The following SOBP variants were observed in gnomAD, a reference collection of about 807,000 sequenced individuals.
SOBP encodes sine oculis-binding protein homolog.
Under a neutral mutation model 53.6 loss-of-function variants are expected in SOBP, and 4 were observed. That is an observed-to-expected ratio of 0.07 (90% CI 0.04 to 0.17). The LOEUF is 0.17. SOBP is among the 10% of genes least tolerant of loss of function. The pLI, the probability that SOBP is intolerant of heterozygous loss-of-function variation, is 1.00. For missense variants in SOBP, 1,088 were observed against 1,204.7 expected, an observed-to-expected ratio of 0.90 and a Z score of 1.43; for synonymous variants, 584 against 522.6, an observed-to-expected ratio of 1.12 and a Z score of -1.60.
chr6:107,565,762 G>A (rs1000975665), intron 4 of SOBP, among the ~76,000 whole-genome samples: 115 of 152,334 alleles, frequency 7.5e-4, no homozygotes, highest in African/African-American at 2.5e-3. Context: ...AGTCATCTGA[G>A]TATCCAGATT....
intron 1 of SOBP, among the ~76,000 whole-genome samples, chr6:107,497,014 C>G (rs1178952591): frequency 6.6e-6 from 1 of 152,222 alleles, no homozygotes; most frequent in Non-Finnish European, 1.5e-5. Flanking sequence ...TAACCAGATT[C>G]AATTCCTGCT....
At chr6:107,502,624 A>G (rs1338806642) in intron 1 of SOBP, among the ~76,000 whole-genome samples, 1 of 152,160 alleles carries the variant, frequency 6.6e-6, no homozygotes, top group Admixed American at 6.6e-5. Flanking sequence ...ATTATCCCAA[A>G]TGGGCTGGCT....
chr6:107,540,390 A>G (rs917103637), intron 4 of SOBP, among the ~76,000 whole-genome samples: 1 of 152,262 alleles, frequency 6.6e-6, no homozygotes, highest in Admixed American at 6.5e-5. Flanking sequence ...TTAGAATGGA[A>G]TAAAGAAAAT....
At chr6:107,602,507 A>G (rs1255763129) in intron 5 of SOBP, among the ~76,000 whole-genome samples, 2 of 150,578 alleles carry the variant, frequency 1.3e-5, no homozygotes, top group Non-Finnish European at 2.9e-5. Flanking sequence ...AAATCAAACC[A>G]AAGTCTGGAA....
At chr6:107,496,336 T>TTAA (rs1269671171) in intron 1 of SOBP, among the ~76,000 whole-genome samples, 3 of 152,210 alleles carry the variant, frequency 2.0e-5, no homozygotes, top group Non-Finnish European at 4.4e-5. Context: ...TTGTTTGACC[T>TTAA]TTTTAGGACA....
rs529074340 is a variant in SOBP at position 107,568,947 on chromosome 6, AAAAG to A, written c.574-18123_574-18120del. On this transcript the variant is annotated intron_variant, in intron 4 of 6. Transcript: ENST00000317357. ...TTATTAACGTATATAAGGCTAATAA[AAAAG>A]AAAGAAAGATCCGTGATTGGAAGTG... 1.5e-4 allele frequency among the ~76,000 whole-genome samples: 23 copies of A among 152,350 alleles called. No individual in the cohort carries two copies. In the South Asian group the frequency reaches 3.5e-3, roughly 23 times the overall value.
chr6:107,629,847 C>A (rs1770627678), intron 5 of SOBP, among the ~76,000 whole-genome samples: 1 of 152,234 alleles, frequency 6.6e-6, no homozygotes, highest in Non-Finnish European at 1.5e-5. Context: ...GAGTTGGACC[C>A]ATCCCAGGAA....
chr6:107,574,302 T>C (rs1785161878), intron 4 of SOBP, among the ~76,000 whole-genome samples: 1 of 152,192 alleles, frequency 6.6e-6, no homozygotes, highest in South Asian at 2.1e-4. Flanking sequence ...GAAATGATCA[T>C]TCTTATTCCC....
intron 5 of SOBP, among the ~76,000 whole-genome samples, chr6:107,603,781 C>T (rs1786269451): frequency 6.6e-6 from 1 of 152,118 alleles, no homozygotes; most frequent in South Asian, 2.1e-4. Context: ...TCAGAGGGTG[C>T]CTGTGGCTCT....
intron 6 of SOBP, among the ~76,000 whole-genome samples, chr6:107,656,317 AAGAAAGAAAGAAAGAAAGAAAGAAAG>A (rs1411230904): frequency 8.1e-4 from 32 of 39,520 alleles, no homozygotes; most frequent in Non-Finnish European, 1.3e-3. Flanking sequence ...GAAAGAAAGA[AAGAAAGAAAGAAAGAAAGAAAGAAAG>A]AGAAAGAAAG....
chr6:107,639,722 G>A (rs1771224771), intron 6 of SOBP, among the ~76,000 whole-genome samples: 1 of 152,154 alleles, frequency 6.6e-6, no homozygotes, highest in Non-Finnish European at 1.5e-5. Context: ...GTTTACACTT[G>A]TTTATGGTAC....
At chr6:107,547,202 G>A in intron 4 of SOBP, among the ~76,000 whole-genome samples, 1 of 152,108 alleles carries the variant, frequency 6.6e-6, no homozygotes, top group East Asian at 1.9e-4. Flanking sequence ...CATTCACTCA[G>A]CCATCAGCGA....
rs1193241960 is a variant in SOBP at position 107,635,338 on chromosome 6, C to T, written c.2494C>T (p.Pro832Ser). The change falls in exon 6 of 7, where the codon CCA becomes TCA. Residue 832 changes from proline to serine, a missense_variant. Physicochemically the swap from Pro to Ser is moderately conservative, Grantham distance 74. This residue lies in a region of SOBP where 665 missense variants were observed against 629.7 expected (regional missense o/e 1.06). Coordinates refer to ENST00000317357, the MANE Select transcript of SOBP (RefSeq NM_018013.4). This position sits in a 1 kb window ranked among gnomAD's most constrained non-coding sequence, Gnocchi z 4.5. ...GACCGGCTGCGTGATCCAGCCTGTG[C>T]CAAAACCCGCGGAGAAGGCTGCCAT... ...PKTGCVIQPV[P>S]KPAEKAAMAP... is the part of the protein sequence containing the mutation. The T allele has an allele frequency of 3.7e-6, 6 of 1,613,648 alleles. No individual in the cohort carries two copies. In the Admixed American group the frequency reaches 8.3e-5, roughly 22 times the overall value.
At chr6:107,545,796 A>T (rs974347819) in intron 4 of SOBP, among the ~76,000 whole-genome samples, 5 of 152,124 alleles carry the variant, frequency 3.3e-5, no homozygotes, top group Non-Finnish European at 7.4e-5. Context: ...CCTGAAAGCC[A>T]CACATAATGA....
In SOBP at chr6:107,635,372, G is replaced by A; in HGVS notation, c.2528G>A (p.Cys843Tyr). The change falls in exon 6 of 7, where the codon TGC (cysteine) becomes TAC (tyrosine). Residue 843 changes from cysteine (C) to tyrosine (Y), a missense_variant. Around this residue, in one of 6 missense-constraint regions of SOBP, gnomAD observed 665 missense variants for 629.7 expected, o/e 1.06. Transcript: ENST00000317357. This position sits in a 1 kb window ranked among gnomAD's most constrained non-coding sequence, Gnocchi z 4.5. ...GCGGAGAAGGCTGCCATGGCACCGT[G>A]CATCATCTCCTCGCCCATGCTCAGC... The part of the protein sequence containing the change: ...KPAEKAAMAP[C>Y]IISSPMLSAG... The A allele has an allele frequency of 3.1e-6, 5 of 1,613,568 alleles. No homozygotes were observed. The highest frequency in any genetic ancestry group is 4.2e-6 in the Non-Finnish European group (5 of 1,180,042).
Position 107,660,348 on chromosome 6 carries a change from G to A in SOBP, c.*2145G>A, listed in dbSNP as rs1354547819. The stretch of plus-strand genomic sequence containing the variant: ...AGACCACGCTTGTCTGCAGACAAGA[G>A]CCCACTCCGTCCGTTCCAGGGCCTG... On this transcript the variant is annotated 3_prime_UTR_variant, in exon 7 of 7. Coordinates refer to ENST00000317357, the MANE Select transcript of SOBP (RefSeq NM_018013.4). 6.6e-6 allele frequency among the ~76,000 whole-genome samples: 1 copy of A among 152,170 alleles called. No individual in the cohort carries two copies. The highest frequency in any genetic ancestry group is 2.4e-5 in the African/African-American group (1 of 41,428).
At chr6:107,602,528 T>A (rs890449497) in intron 5 of SOBP, among the ~76,000 whole-genome samples, 1 of 129,942 alleles carries the variant, frequency 7.7e-6, no homozygotes, top group African/African-American at 3.0e-5. Context: ...CTGATCCCCA[T>A]GCAGGAGCGC....
intron 3 of SOBP, among the ~76,000 whole-genome samples, chr6:107,525,263 T>C (rs535271753): frequency 6.6e-6 from 1 of 152,256 alleles, no homozygotes; most frequent in African/African-American, 2.4e-5. Context: ...CAAAGAAACT[T>C]ACAAGAAGAA....
chr6:107,580,060 C>A (rs1449077063), intron 4 of SOBP, among the ~76,000 whole-genome samples: 2 of 152,306 alleles, frequency 1.3e-5, no homozygotes, highest in South Asian at 2.1e-4. Context: ...CTGCAGAAAT[C>A]CCCATAGACA....
Sources: gnomAD v4.1 joint callset for allele counts (sites outside exome capture counted in the v4.1 genomes callset) on GRCh38, gnomAD v4.1.1 for gene constraint, gnomAD v4.1.1 regional missense constraint, Gnocchi (gnomAD v3.1) non-coding constraint, MANE v1.5 for transcripts, NCBI Gene and HGNC (gene_info 2026-07-23, HGNC 2026-07-21) for gene names.